The following PGM3 variants were observed in gnomAD, a reference collection of about 807,000 sequenced individuals.
PGM3 encodes phosphoglucomutase 3.
In PGM3, 40 loss-of-function variants were observed where a neutral mutation model predicts 66.2. That is an observed-to-expected ratio of 0.60 (90% CI 0.47 to 0.79). The LOEUF (loss-of-function observed/expected upper bound fraction) is 0.79, where lower values mean the gene tolerates loss of function less well. Ranked by LOEUF, PGM3 falls within the 30% of genes least tolerant of loss-of-function variation. The pLI, the probability that PGM3 is intolerant of heterozygous loss-of-function variation, is 0.00. For synonymous variants in PGM3, 191 were observed against 224.2 expected (o/e 0.85, Z 1.32); for missense variants, 537 against 643.4 (o/e 0.83, Z 1.79).
intron 8 of PGM3, among the ~76,000 whole-genome samples, chr6:83,176,430 T>C (rs534981288): frequency 1.8e-4 from 28 of 152,314 alleles, no homozygotes; most frequent in African/African-American, 6.3e-4. Flanking sequence ...ATTTTAGGCT[T>C]TGCAGGCCAT....
At position 83,181,869 on chromosome 6, in the gene PGM3, G is replaced by A; in HGVS notation, c.654C>T (p.Ala218=). The A allele has an allele frequency of 6.2e-7, 1 of 1,613,832 alleles. No homozygotes were observed. The highest frequency in any genetic ancestry group is 8.5e-7 in the Non-Finnish European group (1 of 1,179,898). ...LKVDCANGIG[A]LKLREMEHYF... is the part of the protein sequence containing the mutation. ...AGTGTTCCATTTCCCTTAGCTTCAG[G>A]GCCCCTATGCCATTTGCACAGTCAA... Residue 218 remains alanine, a synonymous_variant, in exon 6 of 13, where the codon GCC becomes GCT. Coordinates refer to ENST00000513973, the MANE Select transcript of PGM3 (RefSeq NM_015599.3).
intron 1 of PGM3, among the ~76,000 whole-genome samples, chr6:83,191,844 A>G (rs1189088889): frequency 2.0e-5 from 3 of 150,818 alleles, no homozygotes; most frequent in East Asian, 3.9e-4. Flanking sequence ...CAAAAAAATT[A>G]GTCGGGCGTG....
Position 83,166,464 on chromosome 6 carries a change from A to T in PGM3, c.*2770T>A. On this transcript the variant is annotated 3_prime_UTR_variant, in exon 13 of 13. Coordinates refer to ENST00000513973, the MANE Select transcript of PGM3 (RefSeq NM_015599.3). ...TTGTGTGTTGTCTCTGCTGCTTTAT[A>T]ACCTATTTTGAACTCAGAAAATCGC... 1.4e-6 allele frequency: 1 copy of T among 701,240 alleles called. No individual in the cohort carries two copies. Among genetic ancestry groups the T allele is most frequent in the Non-Finnish European group, 2.6e-6 (1 of 384,502 alleles). The allele number at this position is 701,240 out of a possible 1,614,324, so 43.4% of individuals were successfully genotyped here.
downstream of PGM3, among the ~76,000 whole-genome samples, chr6:83,158,208 A>T (rs758441850): frequency 1.3e-5 from 2 of 152,186 alleles, no homozygotes; most frequent in East Asian, 1.9e-4. Flanking sequence ...TCAGCATGTT[A>T]GCCAGGATGG....
At chr6:83,171,562 C>A (rs1387106990) in intron 11 of PGM3, among the ~76,000 whole-genome samples, 1 of 152,194 alleles carries the variant, frequency 6.6e-6, no homozygotes, top group African/African-American at 2.4e-5. Flanking sequence ...ATAATCTCGG[C>A]TCACTGCAAC....
chr6:83,166,718 A>C lies in PGM3; in HGVS notation c.*2516T>G. 8.3e-7 allele frequency: 1 copy of C among 1,209,138 alleles called. No individual in the cohort carries two copies. The highest frequency in any genetic ancestry group is 1.0e-6 in the Non-Finnish European group (1 of 973,064). 74.9% of individuals were successfully genotyped at this position (1,209,138 alleles called of 1,614,324 possible). On this transcript the variant is annotated 3_prime_UTR_variant, in exon 13 of 13. Transcript: ENST00000513973. ...CTTTTTCAGGATTTTACTTTAAAAT[A>C]AGCAATAAGCTTGAGAGCACATAGA...
At chr6:83,160,911 A>G (rs988647016), downstream of PGM3, among the ~76,000 whole-genome samples, 21 of 152,120 alleles carry the variant, frequency 1.4e-4, no homozygotes, top group African/African-American at 5.1e-4. Context: ...ACTTAATGGT[A>G]AGAACTAGAA....
At chr6:83,170,807 A>G (rs545145474) in intron 11 of PGM3, 2 of 184,252 alleles carry the variant, frequency 1.1e-5, no homozygotes, top group East Asian at 2.7e-4. Flanking sequence ...ACCGATAAGA[A>G]TTTCTTAAAT....
At chr6:83,171,330 TAATAA>T (rs1787064581) in intron 11 of PGM3, 1 of 152,314 alleles carries the variant, frequency 6.6e-6, no homozygotes, top group African/African-American at 2.4e-5. Context: ...TAATTTTCCA[TAATAA>T]AATCTCTTTA....
chr6:83,154,238 ATGAG>A, the PGM3 span: 5 of 1,613,162 alleles, frequency 3.1e-6, no homozygotes, highest in Non-Finnish European at 3.4e-6. Flanking sequence ...TAGAGATTTG[ATGAG>A]TGAGTATTAC....
At position 83,165,801 on chromosome 6, in the gene PGM3, G is replaced by T. The variant is rs978857079; in HGVS notation, c.*3433C>A. ...GTGCGGCCCAGTGTTGTCGTGAAAA[G>T]AATTGGGCCCTTTCTGGTGGCCAAT... On this transcript the variant is annotated 3_prime_UTR_variant, in exon 13 of 13. Coordinates refer to ENST00000513973, the MANE Select transcript of PGM3 (RefSeq NM_015599.3). 1 of 302,388 alleles carries T rather than the reference G, an allele frequency of 3.3e-6. No homozygotes were observed. Among genetic ancestry groups the T allele is most frequent in the South Asian group, 3.2e-5 (1 of 31,234 alleles). The allele number at this position is 302,388 out of a possible 1,614,324, so 18.7% of individuals were successfully genotyped here.
At chr6:83,152,239 T>G in the PGM3 span, 1 of 1,122,346 alleles carries the variant, frequency 8.9e-7, no homozygotes, top group Non-Finnish European at 1.3e-6. Context: ...CACATAAAAT[T>G]TATTTTCAGT....
the PGM3 span, among the ~76,000 whole-genome samples, chr6:83,149,377 G>A: frequency 6.6e-6 from 1 of 152,164 alleles, no homozygotes; most frequent in African/African-American, 2.4e-5. Context: ...CATTATTCTT[G>A]ATTCCTAATA....
Position 83,168,352 on chromosome 6 carries a change from T to G in PGM3, c.*882A>C, listed in dbSNP as rs1220157818. 1 of 1,405,376 alleles carries G rather than the reference T, an allele frequency of 7.1e-7. No individual in the cohort carries two copies. Among genetic ancestry groups the G allele is most frequent in the Admixed American group, 3.0e-5 (1 of 33,554 alleles). The allele number at this position is 1,405,376 out of a possible 1,614,324, so 87.1% of individuals were successfully genotyped here. The stretch of plus-strand genomic sequence containing the variant: ...TGGCCTGAATCAAGTTTAAATATTG[T>G]TGGCTCATACTGATTATGGTGCCTA... On this transcript the variant is annotated 3_prime_UTR_variant, in exon 13 of 13. Transcript: ENST00000513973.
chr6:83,169,840 C>T, intron 12 of PGM3: 1 of 456,550 alleles, frequency 2.2e-6, no homozygotes, highest in Non-Finnish European at 4.4e-6. Context: ...AAGTCTTGAC[C>T]CCTGTCAGGG....
chr6:83,153,910 A>C, the PGM3 span: 2 of 1,612,254 alleles, frequency 1.2e-6, no homozygotes, highest in East Asian at 2.2e-5. Context: ...TAATGCCCCT[A>C]GTTATCGAGC....
chr6:83,157,881 T>A (rs116706934), downstream of PGM3, among the ~76,000 whole-genome samples: 88 of 152,292 alleles, frequency 5.8e-4, no homozygotes, highest in African/African-American at 2.1e-3. Flanking sequence ...CTCCTCAGAA[T>A]GATTTGGGGA....
intron 4 of PGM3, among the ~76,000 whole-genome samples, chr6:83,184,142 A>G (rs1788402428): frequency 6.6e-6 from 1 of 152,222 alleles, no homozygotes; most frequent in Admixed American, 6.5e-5. Flanking sequence ...TTTCAAAAAC[A>G]AAAAGAAAGA....
downstream of PGM3, among the ~76,000 whole-genome samples, chr6:83,156,270 A>C (rs569525093): frequency 3.3e-5 from 5 of 152,356 alleles, no homozygotes; most frequent in African/African-American, 1.2e-4. Flanking sequence ...TGGCATCTAA[A>C]AGAAATCATC....
Sources: allele counts gnomAD v4.1 joint callset (sites outside exome capture counted in the v4.1 genomes callset), GRCh38; gene constraint gnomAD v4.1.1; transcripts MANE v1.5; gene names NCBI Gene and HGNC (gene_info 2026-07-23, HGNC 2026-07-21).